SAMD11: variants seen among roughly 807,000 people sequenced by gnomAD.
The protein encoded by SAMD11 is sterile alpha motif domain-containing protein 11.
A neutral mutation model predicts 64.4 loss-of-function variants in SAMD11; 77 were observed. That is an observed-to-expected ratio of 1.20 (90% CI 0.99 to 1.44). SAMD11 has a LOEUF of 1.44. Ranked by LOEUF, SAMD11 falls within the 40% of genes most tolerant of loss-of-function variation. The pLI is 0.00. For missense variants in SAMD11, 1,402 were observed against 943.3 expected, an observed-to-expected ratio of 1.49 and a Z score of -6.37; for synonymous variants, 658 against 421.9, an observed-to-expected ratio of 1.56 and a Z score of -6.86.
intron 3 of SAMD11, 76 bp from the exon 4 acceptor site, chr1:930,963 G>T (rs1569872531): frequency 6.9e-7 from 1 of 1,454,818 alleles, no homozygotes; most frequent in East Asian, 2.3e-5. Flanking sequence ...AGACAGGTCT[G>T]CGCACGCCCT....
Position 925,976 on chromosome 1 carries a change from T to C in SAMD11, c.572T>C (p.Ile191Thr), listed in dbSNP as rs1030245330. 18 of 1,612,158 alleles carry C rather than the reference T, an allele frequency of 1.1e-5. No homozygotes were observed. Among genetic ancestry groups the C allele is most frequent in the Non-Finnish European group, 1.4e-5 (16 of 1,179,986 alleles). Residue 191 changes from isoleucine to threonine, a missense_variant, in exon 2 of 14, where the codon ATC (isoleucine) becomes ACC (threonine). By Grantham distance (89) the Ile-to-Thr change is moderately conservative. Coordinates refer to ENST00000616016, the MANE Select transcript of SAMD11 (RefSeq NM_001385641.1). ...GGGATCCTGCAGGTGCATCCTCCGA[T>C]CTGCGACTGCCCGGGCTGCCGAATA... ...SKGILQVHPP[I>T]CDCPGCRISS...
At chr1:939,622 TGTCCCCTAG>T (rs1641642413) in intron 7 of SAMD11, among the ~76,000 whole-genome samples, 1 of 152,102 alleles carries the variant, frequency 6.6e-6, no homozygotes, top group Non-Finnish European at 1.5e-5. Context: ...CACACCTCCA[TGTCCCCTAG>T]GTCCCCAGGG....
rs537035819 is a variant in SAMD11 at position 941,623 on chromosome 1, G to T, written c.1358+317G>T. Among the ~76,000 whole-genome samples, 35 of 152,276 alleles carry T rather than the reference G, an allele frequency of 2.3e-4. 1 individual carries two copies. In the East Asian group the frequency reaches 3.7e-3, roughly 16 times the overall value. ...ACTCAGAGCTGGAGGCGGAGGGGGG[G>T]TCCTGGCTGGCGCTCAAATGTAGAC... On this transcript the variant is annotated intron_variant, in intron 8 of 13. Transcript: ENST00000616016.
At chr1:928,332 C>T (rs531495594) in intron 2 of SAMD11, among the ~76,000 whole-genome samples, 6 of 152,362 alleles carry the variant, frequency 3.9e-5, no homozygotes, top group East Asian at 3.9e-4. Flanking sequence ...GCGGAGCTTG[C>T]AGTGAGCCCA....
chr1:942,919 G>A lies in SAMD11; in HGVS notation c.1914G>A (p.Glu638=), dbSNP rs1431058244. ...AAGACTCGGACGGAGAGGACCCCGA[G>A]ACGGCAGCTGTTGGGTGCAGGGGGC... ...PPKDSDGEDP[E]TAAVGCRGPT... Residue 638 remains glutamate, a synonymous_variant, in exon 11 of 14, where the codon GAG becomes GAA. Coordinates refer to ENST00000616016, the MANE Select transcript of SAMD11 (RefSeq NM_001385641.1). 1 of 1,555,944 alleles carries A rather than the reference G, an allele frequency of 6.4e-7. No homozygotes were observed. The highest frequency in any genetic ancestry group is 1.2e-5 in the South Asian group (1 of 84,582).
At chr1:928,873 A>G (rs1488037459) in intron 2 of SAMD11, among the ~76,000 whole-genome samples, 1 of 152,156 alleles carries the variant, frequency 6.6e-6, no homozygotes, top group Non-Finnish European at 1.5e-5. Context: ...GTGCATTTGA[A>G]GGTGATGGTG....
chr1:928,750 C>T (rs960676871), intron 2 of SAMD11, among the ~76,000 whole-genome samples: 2 of 152,234 alleles, frequency 1.3e-5, no homozygotes, highest in South Asian at 2.1e-4. Flanking sequence ...GCCCAGTGGC[C>T]GGTGAGGGGA....
At chr1:928,852 G>A (rs1043869815) in intron 2 of SAMD11, among the ~76,000 whole-genome samples, 7 of 152,350 alleles carry the variant, frequency 4.6e-5, no homozygotes, top group Admixed American at 1.3e-4. Flanking sequence ...AACTAAGCTG[G>A]CACTGGGGCT....
At chr1:925,893 C>T (rs538998410) in intron 1 of SAMD11, 29 bp from the exon 2 acceptor site, 2 of 1,543,802 alleles carry the variant, frequency 1.3e-6, no homozygotes. Context: ...GCCGCTCCCT[C>T]ACAGGGTCTG....
At chr1:930,607 G>A (rs1188175757) in intron 3 of SAMD11, among the ~76,000 whole-genome samples, 1 of 152,226 alleles carries the variant, frequency 6.6e-6, no homozygotes, top group Non-Finnish European at 1.5e-5. Flanking sequence ...TTCCTGGGCC[G>A]ACGCTCCAGC....
intron 4 of SAMD11, among the ~76,000 whole-genome samples, chr1:932,470 G>T (rs1356415455): frequency 6.6e-6 from 1 of 152,222 alleles, no homozygotes; most frequent in Non-Finnish European, 1.5e-5. Context: ...CGGTCAGAGG[G>T]GAGGGCGTGC....
In SAMD11 at chr1:939,335, G is replaced by T; in HGVS notation, c.1118G>T (p.Arg373Leu). ...PSMAPEDHYR[R>L]LVSALSEAST... is the part of the protein sequence containing the mutation. ...ATGGCCCCGGAGGACCATTACCGCC[G>T]GCTTGTGTCAGCACTGAGCGAGGCC... The change falls in exon 7 of 14, where the codon CGG becomes CTG. Residue 373 changes from arginine (R) to leucine (L), a missense_variant. Transcript: ENST00000616016. 1.2e-6 allele frequency: 2 copies of T among 1,612,220 alleles called. No homozygotes were observed. The highest frequency in any genetic ancestry group is 1.7e-6 in the Non-Finnish European group (2 of 1,179,758).
rs1641857156 is a variant in SAMD11 at position 942,640 on chromosome 1, G to T, written c.1635G>T (p.Leu545=). ...AGCTGCTGGCGCCCGAGACCGCCCT[G>T]CGCCCCAACGACGGCGCCGAGGAGC... ...RPQLLAPETA[L]RPNDGAEELQ... Residue 545 remains leucine, a synonymous_variant, in exon 11 of 14, where the codon CTG becomes CTT. Transcript: ENST00000616016. 7 of 1,438,864 alleles carry T rather than the reference G, an allele frequency of 4.9e-6. No homozygotes were observed. The highest frequency in any genetic ancestry group is 6.3e-6 in the Non-Finnish European group (7 of 1,103,192). The allele number at this position is 1,438,864 out of a possible 1,614,324, so 89.1% of individuals were successfully genotyped here.
intron 2 of SAMD11, among the ~76,000 whole-genome samples, chr1:929,664 C>T (rs1397453295): frequency 6.6e-6 from 1 of 152,214 alleles, no homozygotes; most frequent in Admixed American, 6.5e-5. Context: ...CAGCACCAGC[C>T]CCAGGCCACA....
chr1:929,418 A>G (rs945998354), intron 2 of SAMD11, among the ~76,000 whole-genome samples: 1 of 152,192 alleles, frequency 6.6e-6, no homozygotes, highest in African/African-American at 2.4e-5. Context: ...GTGACCTGTG[A>G]GCCCCGGGGC....
intron 4 of SAMD11, among the ~76,000 whole-genome samples, chr1:933,909 C>T (rs1276007217): frequency 1.3e-5 from 2 of 152,052 alleles, no homozygotes; most frequent in Non-Finnish European, 2.9e-5. Flanking sequence ...TCAGGGGAGC[C>T]GGGAGCTATT....
chr1:940,249 G>A (rs1400842472), intron 7 of SAMD11: 2 of 150,960 alleles, frequency 1.3e-5, no homozygotes, highest in South Asian at 2.1e-4. Flanking sequence ...GCGCGGGGGA[G>A]GGGCGCCGGC....
At chr1:943,222 C>T (rs757488861) in intron 11 of SAMD11, 31 bp from the exon 12 acceptor site, 3 of 1,612,024 alleles carry the variant, frequency 1.9e-6, no homozygotes, top group Non-Finnish European at 8.5e-7. Context: ...GAAAGCCAGC[C>T]AGAGCCCTAG....
At chr1:940,696 C>T (rs902491753) in intron 7 of SAMD11, among the ~76,000 whole-genome samples, 3 of 152,234 alleles carry the variant, frequency 2.0e-5, no homozygotes, top group African/African-American at 7.2e-5. Context: ...GCGGGCGCTG[C>T]CTTGCCTTTG....
Sources: gnomAD v4.1 joint callset for allele counts (sites outside exome capture counted in the v4.1 genomes callset) on GRCh38, gnomAD v4.1.1 for gene constraint, MANE v1.5 for transcripts, NCBI Gene and HGNC (gene_info 2026-07-23, HGNC 2026-07-21) for gene names.